KALRN: variants seen among roughly 807,000 people sequenced by gnomAD.
KALRN encodes kalirin.
A neutral mutation model predicts 353.7 loss-of-function variants in KALRN; 70 were observed. The observed-to-expected ratio is 0.20, with a 90% CI of 0.16 to 0.24. The LOEUF (loss-of-function observed/expected upper bound fraction) is 0.24, where lower values mean the gene tolerates loss of function less well. KALRN is among the 10% of genes least tolerant of loss of function. The pLI, the probability that KALRN is intolerant of heterozygous loss-of-function variation, is 1.00. For synonymous variants in KALRN, 1,391 were observed against 1,434.8 expected (o/e 0.97, Z 0.69); for missense variants, 2,791 against 3,756.7 (o/e 0.74, Z 6.72).
At chr3:124,609,459 A>G (rs912594773) in intron 34 of KALRN, among the ~76,000 whole-genome samples, 6 of 152,218 alleles carry the variant, frequency 3.9e-5, no homozygotes, top group Non-Finnish European at 8.8e-5. Flanking sequence ...CTTGCCAGAC[A>G]CACCTATGAG....
chr3:124,633,817 A>G (rs758961690), intron 35 of KALRN, 35 bp from the exon 36 acceptor site: 3 of 1,579,536 alleles, frequency 1.9e-6, no homozygotes, highest in African/African-American at 2.7e-5. Flanking sequence ...CATGTTTGTG[A>G]CACAGTAACT....
chr3:124,642,809 T>TG (rs1559749930), intron 37 of KALRN, among the ~76,000 whole-genome samples: 4 of 88,350 alleles, frequency 4.5e-5, no homozygotes, highest in Admixed American at 1.3e-4. Context: ...AAGCCTCGTT[T>TG]TTTTTTTTTT....
At chr3:124,117,851 G>A (rs2063592477) in intron 1 of KALRN, among the ~76,000 whole-genome samples, 1 of 152,216 alleles carries the variant, frequency 6.6e-6, no homozygotes, top group Non-Finnish European at 1.5e-5. Context: ...AGCTGTAGTA[G>A]TACAAGGTAC....
chr3:124,604,817 G>T (rs903280406), intron 34 of KALRN, among the ~76,000 whole-genome samples: 1 of 151,180 alleles, frequency 6.6e-6, no homozygotes, highest in Non-Finnish European at 1.5e-5. Context: ...CTCCTGAGTA[G>T]GTGGGACCAC....
intron 1 of KALRN, among the ~76,000 whole-genome samples, chr3:124,067,677 T>A (rs2042488291): frequency 6.6e-6 from 1 of 152,210 alleles, no homozygotes; most frequent in South Asian, 2.1e-4. Flanking sequence ...TCACTGATGA[T>A]GTGTTTATGG....
intron 33 of KALRN, among the ~76,000 whole-genome samples, chr3:124,534,829 G>A (rs996289069): frequency 6.6e-6 from 1 of 152,076 alleles, no homozygotes; most frequent in African/African-American, 2.4e-5. Flanking sequence ...TAATTTTCAA[G>A]ACACTGGACA....
intron 19 of KALRN, among the ~76,000 whole-genome samples, chr3:124,442,977 T>A (rs1023218935): frequency 2.0e-5 from 3 of 151,528 alleles, no homozygotes; most frequent in Non-Finnish European, 2.9e-5. Context: ...AGTGAGACGC[T>A]GTCTCAAAAA....
intron 5 of KALRN, among the ~76,000 whole-genome samples, chr3:124,288,992 G>C (rs765519700): frequency 1.3e-5 from 2 of 152,186 alleles, no homozygotes; most frequent in African/African-American, 4.8e-5. Flanking sequence ...CTGAGACTAG[G>C]TAATTTATAG....
chr3:124,376,723 A>G (rs1316460491), intron 10 of KALRN, among the ~76,000 whole-genome samples: 1 of 152,204 alleles, frequency 6.6e-6, no homozygotes, highest in Non-Finnish European at 1.5e-5. Context: ...TGGAACTGGG[A>G]AATGTGACAC....
At chr3:124,251,513 G>C (rs903930359) in intron 3 of KALRN, among the ~76,000 whole-genome samples, 1 of 152,064 alleles carries the variant, frequency 6.6e-6, no homozygotes, top group Non-Finnish European at 1.5e-5. Flanking sequence ...GGGACTACAG[G>C]CATGCGCCAC....
At chr3:124,174,089 T>G (rs1288818351) in intron 1 of KALRN, among the ~76,000 whole-genome samples, 3 of 152,160 alleles carry the variant, frequency 2.0e-5, no homozygotes, top group Non-Finnish European at 4.4e-5. Context: ...ATCAAAAAAT[T>G]CCTGGTACTT....
At chr3:124,307,145 CA>C (rs2077779846) in intron 6 of KALRN, among the ~76,000 whole-genome samples, 1 of 152,002 alleles carries the variant, frequency 6.6e-6, no homozygotes, top group African/African-American at 2.4e-5. Context: ...TAATTGATTT[CA>C]AAAGCAATCA....
At chr3:124,540,747 T>C (rs2068947902) in intron 33 of KALRN, among the ~76,000 whole-genome samples, 1 of 152,194 alleles carries the variant, frequency 6.6e-6, no homozygotes, top group African/African-American at 2.4e-5. Context: ...GGTCAATTTT[T>C]TGGCAGATCT....
intron 34 of KALRN, among the ~76,000 whole-genome samples, chr3:124,572,374 G>A (rs2073639314): frequency 6.6e-6 from 1 of 151,572 alleles, no homozygotes; most frequent in South Asian, 2.1e-4. Flanking sequence ...TTGAATGTCA[G>A]CAATTTCAGT....
intron 1 of KALRN, among the ~76,000 whole-genome samples, chr3:124,081,647 T>TAC (rs2060548609): frequency 6.6e-6 from 1 of 152,138 alleles, no homozygotes; most frequent in Non-Finnish European, 1.5e-5. Flanking sequence ...GGCACACACC[T>TAC]GTAGTCCAGC....
At chr3:124,105,180 C>A (rs1023995262) in intron 1 of KALRN, among the ~76,000 whole-genome samples, 7 of 152,298 alleles carry the variant, frequency 4.6e-5, no homozygotes, top group Middle Eastern at 6.8e-3. Flanking sequence ...ATTTCTTACT[C>A]TTCATATTAA....
At chr3:124,571,467 G>C (rs1022607515) in intron 34 of KALRN, among the ~76,000 whole-genome samples, 1 of 152,182 alleles carries the variant, frequency 6.6e-6, no homozygotes, top group Non-Finnish European at 1.5e-5. Context: ...TCTACTCTGA[G>C]ACTCTCTATA....
intron 1 of KALRN, among the ~76,000 whole-genome samples, chr3:124,169,633 C>T (rs1048507231): frequency 3.3e-5 from 5 of 152,080 alleles, no homozygotes; most frequent in African/African-American, 1.2e-4. Context: ...AATGTTGTGC[C>T]AATCAATGGC....
chr3:124,655,367 C>T (rs1306675697), intron 38 of KALRN, among the ~76,000 whole-genome samples: 2 of 152,152 alleles, frequency 1.3e-5, no homozygotes, highest in African/African-American at 4.8e-5. Flanking sequence ...CGTCATTTTT[C>T]GTGTGACTAT....
Sources: allele counts gnomAD v4.1 joint callset (sites outside exome capture counted in the v4.1 genomes callset), GRCh38; gene constraint gnomAD v4.1.1; transcripts MANE v1.5; gene names NCBI Gene and HGNC (gene_info 2026-07-23, HGNC 2026-07-21).